The following PLEKHA7 variants were observed in gnomAD, a reference collection of about 807,000 sequenced individuals.
PLEKHA7 encodes the protein pleckstrin homology domain containing A7.
PLEKHA7 carries 104 observed loss-of-function variants against 170.0 expected under a neutral mutation model. The ratio of observed to expected loss-of-function variants is 0.61; its 90% CI spans 0.52 to 0.72. The LOEUF (loss-of-function observed/expected upper bound fraction) is 0.72. Ranked by LOEUF, PLEKHA7 falls within the 30% of genes least tolerant of loss-of-function variation. The probability of loss-of-function intolerance (pLI) is 0.00; values close to 1 mark genes in which losing one functional copy is unlikely to be tolerated. For missense variants in PLEKHA7, 1,615 were observed against 1,671.7 expected (o/e 0.97, Z 0.59); for synonymous variants, 648 against 660.8 (o/e 0.98, Z 0.30).
intron 3 of PLEKHA7, among the ~76,000 whole-genome samples, chr11:16,947,152 C>T (rs1284838024): frequency 1.3e-5 from 2 of 152,174 alleles, no homozygotes; most frequent in African/African-American, 4.8e-5. Context: ...GAAAGTATCA[C>T]CTCACACATG....
At chr11:16,984,081 AAAT>A (rs1369611729) in intron 3 of PLEKHA7, among the ~76,000 whole-genome samples, 28 of 152,018 alleles carry the variant, frequency 1.8e-4, no homozygotes, top group Non-Finnish European at 2.9e-4. Context: ...AAGAATTTTA[AAAT>A]AATATTATCA....
chr11:16,961,319 C>A (rs771212507), intron 3 of PLEKHA7, among the ~76,000 whole-genome samples: 2 of 152,200 alleles, frequency 1.3e-5, no homozygotes, highest in Non-Finnish European at 1.5e-5. Flanking sequence ...GCCGCCCAAG[C>A]GCCTTGAGGT....
chr11:16,863,239 C>A (rs1417429656), intron 4 of PLEKHA7, among the ~76,000 whole-genome samples: 1 of 152,200 alleles, frequency 6.6e-6, no homozygotes, highest in Admixed American at 6.5e-5. Flanking sequence ...GAAGATAATT[C>A]TTACCTTTGG....
At chr11:16,801,604 G>A (rs945285034) in intron 16 of PLEKHA7, 64 bp downstream of exon 16, 1 of 1,589,404 alleles carries the variant, frequency 6.3e-7, no homozygotes, top group African/African-American at 1.3e-5. Context: ...ATCTTGGGAG[G>A]GGAGAAAAGC....
At chr11:16,982,302 GAC>G (rs1209023287) in intron 3 of PLEKHA7, among the ~76,000 whole-genome samples, 3 of 152,254 alleles carry the variant, frequency 2.0e-5, no homozygotes, top group Non-Finnish European at 4.4e-5. Flanking sequence ...GCAGGGCAGA[GAC>G]AGACCTGTGT....
chr11:16,950,637 A>G (rs1187206500), intron 3 of PLEKHA7, among the ~76,000 whole-genome samples: 1 of 151,912 alleles, frequency 6.6e-6, no homozygotes, highest in Non-Finnish European at 1.5e-5. Flanking sequence ...TTGTGGCCCC[A>G]CAGATATCTT....
intron 4 of PLEKHA7, among the ~76,000 whole-genome samples, chr11:16,865,175 A>G (rs1854283244): frequency 6.6e-6 from 1 of 152,230 alleles, no homozygotes. Context: ...ATCAATTTGT[A>G]TTGAATGAAT....
At chr11:16,852,435 G>A in intron 6 of PLEKHA7, 80 bp from the exon 7 acceptor site, 3 of 1,222,910 alleles carry the variant, frequency 2.5e-6, no homozygotes, top group Non-Finnish European at 3.5e-6. Context: ...CCTGATTCCA[G>A]AACCAAATAT....
intron 23 of PLEKHA7, chr11:16,787,781 T>G (rs536300607): frequency 9.2e-5 from 14 of 152,334 alleles, no homozygotes; most frequent in Non-Finnish European, 1.8e-4. Context: ...ATTTGAGACA[T>G]CAAATTATAA....
At chr11:16,994,607 CT>C (rs1383934115) in intron 3 of PLEKHA7, among the ~76,000 whole-genome samples, 1 of 152,134 alleles carries the variant, frequency 6.6e-6, no homozygotes, top group East Asian at 1.9e-4. Context: ...GCTGGGACCC[CT>C]CCCTGGATCC....
chr11:16,905,039 C>G (rs1857566515), intron 3 of PLEKHA7, among the ~76,000 whole-genome samples: 1 of 152,104 alleles, frequency 6.6e-6, no homozygotes, highest in Non-Finnish European at 1.5e-5. Flanking sequence ...ATTACTTGAG[C>G]TCAGGAGTTT....
intron 13 of PLEKHA7, among the ~76,000 whole-genome samples, chr11:16,805,529 CACCT>C (rs1590176673): frequency 6.6e-6 from 1 of 152,084 alleles, no homozygotes; most frequent in African/African-American, 2.4e-5. Flanking sequence ...CGGTGGCTCA[CACCT>C]GTAATCCCAG....
At chr11:16,871,225 G>C in intron 3 of PLEKHA7, 43 bp from the exon 4 acceptor site, 1 of 1,477,562 alleles carries the variant, frequency 6.8e-7, no homozygotes, top group Non-Finnish European at 9.5e-7. Context: ...CGTGTGAATG[G>C]AAGGAGTACA....
intron 17 of PLEKHA7, 147 bp downstream of exon 17, chr11:16,800,827 T>A: frequency 1.5e-6 from 1 of 671,164 alleles, no homozygotes; most frequent in Non-Finnish European, 2.6e-6. Flanking sequence ...TTGGGGTGGC[T>A]CCTTTACAGG....
intron 3 of PLEKHA7, among the ~76,000 whole-genome samples, chr11:17,003,972 G>C (rs1392826429): frequency 1.3e-5 from 2 of 152,162 alleles, no homozygotes; most frequent in Admixed American, 6.5e-5. Flanking sequence ...GGCCCAGAGA[G>C]GCTGAAAAGC....
rs142894508 is a variant in PLEKHA7, at chr11:16,850,247, A to G, written c.696+944T>C. Among the ~76,000 whole-genome samples, 631 of 152,264 alleles carry G rather than the reference A, an allele frequency of 4.1e-3. 7 individuals carry two copies. The highest frequency in any genetic ancestry group is 0.015 in the African/African-American group (606 of 41,534). ...CTAGTGTTCATCTTGTGCCTCCAAC[A>G]TGGAAACGGCCAAGCAACAAGTGTA... On this transcript the variant is annotated intron_variant, in intron 8 of 26. Transcript: ENST00000531066.
chr11:16,927,397 G>A (rs1859635781), intron 3 of PLEKHA7, among the ~76,000 whole-genome samples: 1 of 152,112 alleles, frequency 6.6e-6, no homozygotes, highest in African/African-American at 2.4e-5. Flanking sequence ...TTAGATGTCT[G>A]CTGAAGATAG....
At chr11:16,801,913 A>C in intron 15 of PLEKHA7, 96 bp from the exon 16 acceptor site, 1 of 1,465,330 alleles carries the variant, frequency 6.8e-7, no homozygotes, top group Non-Finnish European at 9.4e-7. Flanking sequence ...GGACCTAACC[A>C]AGGCCGAAGG....
intron 3 of PLEKHA7, among the ~76,000 whole-genome samples, chr11:16,968,537 C>A (rs776524146): frequency 1.3e-4 from 20 of 152,214 alleles, no homozygotes; most frequent in Non-Finnish European, 2.6e-4. Flanking sequence ...GGGTGGTTCA[C>A]CCCATGCCAC....
Sources: allele counts gnomAD v4.1 joint callset (sites outside exome capture counted in the v4.1 genomes callset), GRCh38; gene constraint gnomAD v4.1.1; transcripts MANE v1.5; gene names NCBI Gene and HGNC (gene_info 2026-07-23, HGNC 2026-07-21).